Variants in DSC1 observed in about 807,000 individuals in gnomAD.
The protein encoded by DSC1 is desmocollin-1.
Under a neutral mutation model 98.8 loss-of-function variants are expected in DSC1, and 79 were observed. The observed-to-expected ratio is 0.80, with a 90% CI of 0.67 to 0.96. DSC1 has a LOEUF of 0.96. Ranked by LOEUF, DSC1 falls within the 50% of genes least tolerant of loss-of-function variation. The probability of loss-of-function intolerance (pLI) is 0.00; values close to 1 mark genes in which losing one functional copy is unlikely to be tolerated. For missense variants in DSC1, 1,115 were observed against 1,075.9 expected (o/e 1.04, Z -0.51); for synonymous variants, 405 against 372.1 (o/e 1.09, Z -1.02).
chr18:31,142,817 G>T (rs74426982), intron 8 of DSC1, among the ~76,000 whole-genome samples: 1 of 152,062 alleles, frequency 6.6e-6, no homozygotes, highest in Non-Finnish European at 1.5e-5. Context: ...ACACTGGAGC[G>T]TAATAGACCT....
rs1043687062 is a variant in DSC1, at chr18:31,154,713, G to T, written c.627+61C>A. 9.5e-6 allele frequency: 13 copies of T among 1,368,450 alleles called. No individual in the cohort carries two copies. In the Admixed American group the frequency reaches 1.3e-4, roughly 14 times the overall value. The allele number at this position is 1,368,450 out of a possible 1,614,324, so 84.8% of individuals were successfully genotyped here. On this transcript the variant is annotated intron_variant, in intron 5 of 15. Coordinates refer to ENST00000257198, the MANE Select transcript of DSC1 (RefSeq NM_024421.2). ...TTATAATATGTAAACAAGCATAGTTGAAAATATTAGTAAGCCAGTAATAAA... is the reference window on the plus strand; with the variant it reads ...TTATAATATGTAAACAAGCATAGTTTAAAATATTAGTAAGCCAGTAATAAA...
At chr18:31,161,528 C>T (rs9948830) in intron 1 of DSC1, among the ~76,000 whole-genome samples, 5,496 of 152,158 alleles carry the variant, frequency 0.036, 322 homozygotes, top group African/African-American at 0.13. Context: ...ATACTATTCC[C>T]GTCTTCAGGT....
intron 5 of DSC1, among the ~76,000 whole-genome samples, chr18:31,149,659 C>A (rs1012286223): frequency 6.6e-6 from 1 of 152,126 alleles, no homozygotes; most frequent in Non-Finnish European, 1.5e-5. Context: ...ACAATTTTAA[C>A]CACGATACTC....
intron 11 of DSC1, among the ~76,000 whole-genome samples, chr18:31,136,785 A>G (rs1184384602): frequency 6.6e-6 from 1 of 152,192 alleles, no homozygotes; most frequent in Non-Finnish European, 1.5e-5. Flanking sequence ...TGCTGCCTGC[A>G]GGCCACAGGT....
chr18:31,142,404 T>C (rs537127914), intron 8 of DSC1, among the ~76,000 whole-genome samples: 54 of 152,282 alleles, frequency 3.5e-4, no homozygotes, highest in African/African-American at 1.2e-3. Context: ...CCAAGTCTTA[T>C]CTTCTGAACT....
At chr18:31,152,092 G>A (rs1989010439) in intron 5 of DSC1, among the ~76,000 whole-genome samples, 2 of 151,936 alleles carry the variant, frequency 1.3e-5, no homozygotes, top group Admixed American at 1.3e-4. Flanking sequence ...AACTCAGAAG[G>A]CAGAGGTTGC....
In DSC1 at chr18:31,145,726, A is replaced by G; in HGVS notation, c.824T>C (p.Leu275Pro). ...GATTTTATATTTCAGACGAGTATGG[A>G]GAGTGTCAGGTTCGTCAAGGTCTGT... is the stretch of plus-strand genomic sequence containing the variant. Reference protein sequence around the residue: ...TATDLDEPDTLHTRLKYKILQ... With the variant: ...TATDLDEPDTPHTRLKYKILQ... The change falls in exon 7 of 16, where the codon CTC (leucine) becomes CCC (proline). Residue 275 changes from leucine to proline, a missense_variant. By Grantham distance (98) the Leu-to-Pro change is moderately conservative. Transcript: ENST00000257198. 1 of 1,614,202 alleles carries G rather than the reference A, an allele frequency of 6.2e-7. No individual in the cohort carries two copies. Among genetic ancestry groups the G allele is most frequent in the South Asian group, 1.1e-5 (1 of 91,076 alleles).
intron 1 of DSC1, among the ~76,000 whole-genome samples, chr18:31,162,062 T>C (rs1197494586): frequency 6.6e-6 from 1 of 152,210 alleles, no homozygotes; most frequent in Non-Finnish European, 1.5e-5. Flanking sequence ...AAACTATTCT[T>C]TGCTTAAACT....
At chr18:31,131,131 T>C (rs1988478759) in intron 15 of DSC1, among the ~76,000 whole-genome samples, 1 of 152,194 alleles carries the variant, frequency 6.6e-6, no homozygotes, top group Non-Finnish European at 1.5e-5. Flanking sequence ...CCTATACTGA[T>C]TAATCTGAAC....
At chr18:31,143,544 A>T in intron 8 of DSC1, 113 bp downstream of exon 8, 2 of 701,176 alleles carry the variant, frequency 2.9e-6, no homozygotes, top group Non-Finnish European at 4.3e-6. Context: ...TGTAAGTAGT[A>T]GTTATTTAAA....
intron 11 of DSC1, among the ~76,000 whole-genome samples, chr18:31,136,911 G>A (rs1010040247): frequency 5.2e-4 from 79 of 152,248 alleles, no homozygotes; most frequent in Admixed American, 4.0e-3. Flanking sequence ...TAATAGCTGA[G>A]CATGATGAAG....
chr18:31,145,416 G>A (rs1324143059), intron 7 of DSC1, among the ~76,000 whole-genome samples, 195 bp downstream of exon 7: 1 of 152,294 alleles, frequency 6.6e-6, no homozygotes, highest in South Asian at 2.1e-4. Flanking sequence ...GTGATTTCAA[G>A]TGAGGCCCTG....
chr18:31,149,153 T>C (rs1239593916), intron 5 of DSC1, among the ~76,000 whole-genome samples: 2 of 152,334 alleles, frequency 1.3e-5, no homozygotes, highest in East Asian at 3.9e-4. Context: ...AGAAATTCCA[T>C]TTCAAAATGA....
At chr18:31,157,619 T>A in intron 2 of DSC1, 46 bp from the exon 3 acceptor site, 1 of 1,605,704 alleles carries the variant, frequency 6.2e-7, no homozygotes, top group Non-Finnish European at 8.5e-7. Flanking sequence ...GAAACAGGAG[T>A]GGAACAAGTT....
intron 4 of DSC1, 90 bp from the exon 5 acceptor site, chr18:31,155,019 C>T: frequency 1.4e-6 from 2 of 1,406,770 alleles, no homozygotes; most frequent in Non-Finnish European, 9.8e-7. Context: ...TTACCACTAC[C>T]CCTCTTTCCT....
chr18:31,156,004 A>T (rs1989089552), intron 4 of DSC1, 39 bp downstream of exon 4: 2 of 1,599,300 alleles, frequency 1.3e-6, no homozygotes, highest in South Asian at 2.3e-5. Flanking sequence ...GAACAAAAAA[A>T]AATTTGGACA....
chr18:31,133,984 T>C lies in DSC1; in HGVS notation c.2023A>G (p.Met675Val), dbSNP rs139926367. The C allele has an allele frequency of 6.2e-7, 1 of 1,613,450 alleles. No individual in the cohort carries two copies. The highest frequency in any genetic ancestry group is 8.5e-7 in the Non-Finnish European group (1 of 1,179,660). The change falls in exon 13 of 16, where the codon ATG becomes GTG. Residue 675 changes from methionine to valine, a missense_variant. Transcript: ENST00000257198. ...ACGTCTCTTGTACTTTTATCCTTCA[T>C]TCTACACTCAGATGGAGTTGAACAG... is the stretch of plus-strand genomic sequence containing the variant. ...CDCSTPSECR[M>V]KDKSTRDVRP...
chr18:31,145,341 A>AT (rs1289835303), intron 7 of DSC1, among the ~76,000 whole-genome samples: 1 of 152,204 alleles, frequency 6.6e-6, no homozygotes, highest in East Asian at 1.9e-4. Context: ...AGATAAAAGT[A>AT]TTTTTTAAAA....
intron 1 of DSC1, among the ~76,000 whole-genome samples, chr18:31,162,094 A>G (rs1371632694): frequency 6.6e-6 from 1 of 152,212 alleles, no homozygotes; most frequent in Non-Finnish European, 1.5e-5. Flanking sequence ...AAAATTCAAA[A>G]AGTCCTGGAT....
Sources: gnomAD v4.1 joint callset for allele counts (sites outside exome capture counted in the v4.1 genomes callset) on GRCh38, gnomAD v4.1.1 for gene constraint, MANE v1.5 for transcripts, NCBI Gene and HGNC (gene_info 2026-07-23, HGNC 2026-07-21) for gene names.